Variants in ABCC4 observed in about 807,000 individuals in gnomAD.
ABCC4 encodes ATP-binding cassette sub-family C member 4.
ABCC4 carries 102 observed loss-of-function variants against 168.5 expected under a neutral mutation model. The ratio of observed to expected loss-of-function variants is 0.61; its 90% CI spans 0.52 to 0.71. The LOEUF (loss-of-function observed/expected upper bound fraction) is 0.71, where lower values mean the gene tolerates loss of function less well. ABCC4 is among the 30% of genes least tolerant of loss of function. The pLI is 0.00. For synonymous variants in ABCC4, 617 were observed against 590.7 expected, an observed-to-expected ratio of 1.04 and a Z score of -0.65; for missense variants, 1,402 against 1,605.8, an observed-to-expected ratio of 0.87 and a Z score of 2.17.
At chr13:95,232,116 C>A (rs61965966) in intron 4 of ABCC4, among the ~76,000 whole-genome samples, 2 of 88,108 alleles carry the variant, frequency 2.3e-5, no homozygotes, top group East Asian at 6.0e-4. Flanking sequence ...GATGCTGCTG[C>A]TGCTGATGAT....
At chr13:95,297,842 G>A (rs113543748) in intron 1 of ABCC4, among the ~76,000 whole-genome samples, 2,540 of 152,250 alleles carry the variant, frequency 0.017, 67 homozygotes, top group African/African-American at 0.058. Flanking sequence ...AAGTACTTTC[G>A]AGTGATAAGT....
chr13:95,206,674 A>C lies in ABCC4; in HGVS notation c.1019T>G (p.Val340Gly). 3 of 1,614,212 alleles carry C rather than the reference A, an allele frequency of 1.9e-6. No individual in the cohort carries two copies. The highest frequency in any genetic ancestry group is 2.5e-6 in the Non-Finnish European group (3 of 1,180,034). ...IIVFVTFTTY[V>G]LLGSVITASR... The stretch of plus-strand genomic sequence containing the variant: ...GGCTGTGATCACACTGCCGAGGAGC[A>C]CGTAGGTGGTGAAGGTCACAAACAC... The change falls in exon 8 of 31, where the codon GTG becomes GGG. Residue 340 changes from valine to glycine, a missense_variant. Coordinates refer to ENST00000645237, the MANE Select transcript of ABCC4 (RefSeq NM_005845.5).
intron 4 of ABCC4, among the ~76,000 whole-genome samples, chr13:95,216,327 A>G (rs549790597): frequency 8.5e-5 from 13 of 152,168 alleles, no homozygotes; most frequent in Non-Finnish European, 1.8e-4. Context: ...CTGTAAATTA[A>G]TGTATCATCG....
intron 17 of ABCC4, 68 bp downstream of exon 17, chr13:95,163,542 C>G: frequency 7.1e-7 from 1 of 1,405,394 alleles, no homozygotes; most frequent in Non-Finnish European, 1.0e-6. Flanking sequence ...CTCCCTCTAA[C>G]TCTATGGAAA....
At chr13:95,300,340 G>A (rs2041643121) in intron 1 of ABCC4, among the ~76,000 whole-genome samples, 1 of 152,120 alleles carries the variant, frequency 6.6e-6, no homozygotes, top group African/African-American at 2.4e-5. Context: ...CCACCTCCGA[G>A]CTGTCCTCCT....
intron 20 of ABCC4, among the ~76,000 whole-genome samples, chr13:95,115,261 G>C (rs1489274793): frequency 8.8e-6 from 1 of 113,902 alleles, no homozygotes; most frequent in East Asian, 2.5e-4. Flanking sequence ...AGGTATTTCT[G>C]TAGGATTGTT....
At chr13:95,291,764 A>G (rs1186284330) in intron 1 of ABCC4, among the ~76,000 whole-genome samples, 5 of 152,188 alleles carry the variant, frequency 3.3e-5, no homozygotes, top group East Asian at 3.9e-4. Flanking sequence ...ATTGGCCAAC[A>G]TGATGAAACT....
At chr13:95,128,073 T>C (rs1001106433) in intron 19 of ABCC4, among the ~76,000 whole-genome samples, 3 of 152,238 alleles carry the variant, frequency 2.0e-5, no homozygotes, top group African/African-American at 7.2e-5. Context: ...CCACAGAAGT[T>C]GGCCTTGGTA....
chr13:95,051,854 A>G (rs941703774), intron 27 of ABCC4, among the ~76,000 whole-genome samples: 6 of 152,032 alleles, frequency 3.9e-5, no homozygotes, highest in Admixed American at 6.6e-5. Flanking sequence ...TTTAGTAGAC[A>G]CAGGGTTTCA....
chr13:95,131,506 A>G (rs1268753769), intron 19 of ABCC4, among the ~76,000 whole-genome samples: 1 of 152,132 alleles, frequency 6.6e-6, no homozygotes, highest in Non-Finnish European at 1.5e-5. Context: ...GTGCACGACT[A>G]TAATCCCAGC....
chr13:95,024,488 C>T (rs2031287211), intron 30 of ABCC4, among the ~76,000 whole-genome samples: 1 of 152,178 alleles, frequency 6.6e-6, no homozygotes, highest in African/African-American at 2.4e-5. Flanking sequence ...GCCACCGTAA[C>T]AGAGCTAGAT....
At chr13:95,252,195 G>T (rs1032718768) in intron 1 of ABCC4, among the ~76,000 whole-genome samples, 1 of 152,090 alleles carries the variant, frequency 6.6e-6, no homozygotes, top group Admixed American at 6.6e-5. Context: ...TATGTGAAAA[G>T]GTTAAGGTTC....
chr13:95,182,814 T>C (rs1384097304), intron 11 of ABCC4, among the ~76,000 whole-genome samples: 1 of 152,200 alleles, frequency 6.6e-6, no homozygotes, highest in African/African-American at 2.4e-5. Context: ...TTTTAACTAC[T>C]ACCCACTAAA....
rs1345659967 is a variant in ABCC4, at chr13:95,225,165, A to T, written c.531+9445T>A. Among the ~76,000 whole-genome samples, 83 of 55,448 alleles carry T rather than the reference A, an allele frequency of 1.5e-3. 2 individuals are homozygous for T. Among genetic ancestry groups the T allele is most frequent in the East Asian group, 0.014 (15 of 1,076 alleles). 36.4% of individuals were successfully genotyped at this position (55,448 alleles called of 152,430 possible). A position where few individuals can be genotyped will look rare whatever the true frequency, so the allele number is the denominator to read the frequency against. ...GTCTCTCTCTCTCTCACACACACAC[A>T]CACACACACACACACACACACACAC... On this transcript the variant is annotated intron_variant, in intron 4 of 30. Transcript: ENST00000645237.
intron 11 of ABCC4, 49 bp from the exon 12 acceptor site, chr13:95,178,140 T>C: frequency 6.6e-7 from 1 of 1,518,736 alleles, no homozygotes; most frequent in Non-Finnish European, 9.1e-7. Flanking sequence ...TAAAACATGT[T>C]CTTCCTCTGT....
Position 95,186,805 on chromosome 13 carries a change from G to A in ABCC4, c.1441C>T (p.Gln481Ter). The change falls in exon 11 of 31, where the codon CAG becomes TAG. Residue 481 changes from glutamine to a stop codon, truncating the protein, a stop_gained. Transcript: ENST00000645237. LOFTEE classifies it high-confidence loss of function. ...VHGRIAYVSQ[Q>*]PWVFSGTLRS... ...AGAGTTCCCGAGAACACCCAGGGCT[G>A]CTGAGACACATAGGCAATTCTTCCA... is the stretch of plus-strand genomic sequence containing the variant. 2 of 1,614,108 alleles carry A rather than the reference G, an allele frequency of 1.2e-6. No individual in the cohort carries two copies. Among genetic ancestry groups the A allele is most frequent in the Non-Finnish European group, 8.5e-7 (1 of 1,180,008 alleles).
intron 3 of ABCC4, among the ~76,000 whole-genome samples, chr13:95,242,796 A>C (rs999369577): frequency 6.6e-6 from 1 of 152,242 alleles, no homozygotes; most frequent in African/African-American, 2.4e-5. Context: ...TCTCCAAAAC[A>C]GCCAAGTGTC....
At chr13:95,173,066 G>C (rs1009113295) in intron 13 of ABCC4, among the ~76,000 whole-genome samples, 21 of 152,210 alleles carry the variant, frequency 1.4e-4, no homozygotes, top group African/African-American at 5.1e-4. Flanking sequence ...CAAGCAAACA[G>C]ACAACACCCT....
At chr13:95,136,744 C>G (rs1242582875) in intron 19 of ABCC4, among the ~76,000 whole-genome samples, 2 of 152,200 alleles carry the variant, frequency 1.3e-5, no homozygotes, top group Non-Finnish European at 2.9e-5. Flanking sequence ...GGGTGGTGGA[C>G]ACGCTGGGGA....
Sources: gnomAD v4.1 joint callset for allele counts (sites outside exome capture counted in the v4.1 genomes callset) on GRCh38, gnomAD v4.1.1 for gene constraint, MANE v1.5 for transcripts, NCBI Gene and HGNC (gene_info 2026-07-23, HGNC 2026-07-21) for gene names.